GBF1: variants seen among roughly 807,000 people sequenced by gnomAD.
GBF1 encodes golgi brefeldin A resistant guanine nucleotide exchange factor 1.
In GBF1, 114 loss-of-function variants were observed where a neutral mutation model predicts 210.5. The observed-to-expected ratio is 0.54, with a 90% confidence interval of 0.47 to 0.63. The LOEUF is 0.63. Among genes scored for constraint, GBF1 ranks in the 30% least tolerant of loss-of-function variants. GBF1 has a pLI of 0.00. For synonymous variants in GBF1, 850 were observed against 889.2 expected, an observed-to-expected ratio of 0.96 and a Z score of 0.78; for missense variants, 1,851 against 2,357.7, an observed-to-expected ratio of 0.79 and a Z score of 4.45.
At chr10:102,247,752 A>G (rs911785904) in intron 1 of GBF1, among the ~76,000 whole-genome samples, 3 of 152,142 alleles carry the variant, frequency 2.0e-5, no homozygotes, top group African/African-American at 7.2e-5. Context: ...TTCAAATACA[A>G]GTCCCAAGCT....
intron 3 of GBF1, among the ~76,000 whole-genome samples, chr10:102,319,990 G>T (rs1375374006): frequency 6.6e-6 from 1 of 151,948 alleles, no homozygotes; most frequent in African/African-American, 2.4e-5. Context: ...CTTCCAAAGT[G>T]CTGGGATTAC....
At chr10:102,231,894 A>G in the GBF1 span, 1 of 1,562,910 alleles carries the variant, frequency 6.4e-7, no homozygotes, top group Non-Finnish European at 8.8e-7. Flanking sequence ...GGGGCTGCCC[A>G]GCCGGGGTCC....
chr10:102,326,345 C>A (rs991084810), intron 3 of GBF1, among the ~76,000 whole-genome samples: 1 of 152,196 alleles, frequency 6.6e-6, no homozygotes, highest in Non-Finnish European at 1.5e-5. Flanking sequence ...CTGAAAACCT[C>A]ATTTTTCTAC....
intron 3 of GBF1, among the ~76,000 whole-genome samples, chr10:102,314,523 C>G (rs946823549): frequency 1.3e-5 from 2 of 152,122 alleles, no homozygotes; most frequent in Admixed American, 1.3e-4. Context: ...TCAAATGGAG[C>G]TTTCTCTACA....
In GBF1 at chr10:102,282,093, A is replaced by AT. The variant is rs58472334; in HGVS notation, c.163+21991dup. Among the ~76,000 whole-genome samples the AT allele has an allele frequency of 2.6e-3, 378 of 143,634 alleles. 5 individuals are homozygous for AT. The highest frequency in any genetic ancestry group is 6.1e-3 in the African/African-American group (237 of 38,838). The allele number at this position is 143,634 out of a possible 152,430, so 94.2% of individuals were successfully genotyped here. ...AGGCGCCCACCACCACACCCGGCTA[A>AT]TTTTTTTTTTTTTTGTATTTTTTAG... is the stretch of plus-strand genomic sequence containing the variant. On this transcript the variant is annotated intron_variant, in intron 3 of 39. Coordinates refer to ENST00000369983, the MANE Select transcript of GBF1 (RefSeq NM_001377137.1).
intron 3 of GBF1, among the ~76,000 whole-genome samples, chr10:102,283,032 G>A (rs753934263): frequency 6.6e-6 from 1 of 152,182 alleles, no homozygotes; most frequent in African/African-American, 2.4e-5. Context: ...TCACAAGGAG[G>A]TGGAAACTAT....
intron 3 of GBF1, among the ~76,000 whole-genome samples, chr10:102,308,347 C>T (rs1045180279): frequency 6.6e-6 from 1 of 152,024 alleles, no homozygotes; most frequent in Non-Finnish European, 1.5e-5. Flanking sequence ...ATGACTTTCT[C>T]CAGCATAATA....
At chr10:102,270,100 G>C (rs1252421465) in intron 3 of GBF1, among the ~76,000 whole-genome samples, 3 of 151,850 alleles carry the variant, frequency 2.0e-5, no homozygotes, top group Non-Finnish European at 4.4e-5. Flanking sequence ...GGATGGTCTT[G>C]ATCTCCTGAC....
chr10:102,233,787 G>A, the GBF1 span, among the ~76,000 whole-genome samples: 1 of 152,180 alleles, frequency 6.6e-6, no homozygotes. Flanking sequence ...CAGGCCATAG[G>A]CAGGAGCTTC....
chr10:102,295,412 T>C (rs1565073887), intron 3 of GBF1, among the ~76,000 whole-genome samples: 1 of 152,242 alleles, frequency 6.6e-6, no homozygotes, highest in Non-Finnish European at 1.5e-5. Flanking sequence ...ACAAACTATC[T>C]TTAAAAGTTT....
intron 13 of GBF1, 65 bp from the exon 14 acceptor site, chr10:102,361,653 A>C (rs984216974): frequency 8.8e-7 from 1 of 1,139,156 alleles, no homozygotes; most frequent in African/African-American, 1.6e-5. Context: ...TTTCCTGTCT[A>C]ATTTTTTCTC....
intron 3 of GBF1, among the ~76,000 whole-genome samples, chr10:102,297,894 C>A (rs1222911444): frequency 6.6e-6 from 1 of 151,960 alleles, no homozygotes; most frequent in African/African-American, 2.4e-5. Context: ...ATGCAGGTAC[C>A]TGGAATGAAA....
At chr10:102,326,721 C>T (rs951819844) in intron 3 of GBF1, among the ~76,000 whole-genome samples, 6 of 152,162 alleles carry the variant, frequency 3.9e-5, no homozygotes, top group Non-Finnish European at 7.3e-5. Context: ...TTTTCTATCA[C>T]TATGGATAAG....
At position 102,366,352 on chromosome 10, in the gene GBF1, T is replaced by G; in HGVS notation, c.2310-31T>G. 1 of 1,613,100 alleles carries G rather than the reference T, an allele frequency of 6.2e-7. No individual in the cohort carries two copies. The highest frequency in any genetic ancestry group is 1.1e-5 in the South Asian group (1 of 91,056). Reference sequence around the variant, plus strand: ...GCCTGACATGTGCAGCTTACACATTTTCAGCCTCTTCTTCCTTTCTTTCCC... The same window carrying G: ...GCCTGACATGTGCAGCTTACACATTGTCAGCCTCTTCTTCCTTTCTTTCCC... On this transcript the variant is annotated intron_variant, in intron 18 of 39. Transcript: ENST00000369983. This position sits in a 1 kb window ranked among gnomAD's most constrained non-coding sequence, Gnocchi z 4.0.
chr10:102,318,676 C>T (rs1038092165), intron 3 of GBF1, among the ~76,000 whole-genome samples: 3 of 151,984 alleles, frequency 2.0e-5, no homozygotes, highest in Admixed American at 2.0e-4. Flanking sequence ...GTCCAACTTC[C>T]CCCCCTTCAA....
At chr10:102,270,387 C>G (rs2074287572) in intron 3 of GBF1, among the ~76,000 whole-genome samples, 2 of 151,282 alleles carry the variant, frequency 1.3e-5, no homozygotes, top group East Asian at 3.9e-4. Context: ...CCAGGTTGGT[C>G]TCGAACTCCC....
chr10:102,364,242 T>TTC, intron 17 of GBF1, among the ~76,000 whole-genome samples: 1 of 144,424 alleles, frequency 6.9e-6, no homozygotes, highest in East Asian at 2.1e-4. Flanking sequence ...TTTTTTTTTT[T>TTC]CAGACGGAGT....
intron 1 of GBF1, among the ~76,000 whole-genome samples, chr10:102,246,450 C>T (rs2133845652): frequency 6.6e-6 from 1 of 152,282 alleles, no homozygotes; most frequent in South Asian, 2.1e-4. Flanking sequence ...CACAGGCATT[C>T]TTTTGTAGTG....
chr10:102,364,013 G>A (rs941988841), intron 17 of GBF1, among the ~76,000 whole-genome samples: 2 of 151,956 alleles, frequency 1.3e-5, no homozygotes, highest in Non-Finnish European at 2.9e-5. Flanking sequence ...ATGCCCCTGC[G>A]CAAATGCTGT....
Sources: gnomAD v4.1 joint callset for allele counts (sites outside exome capture counted in the v4.1 genomes callset) on GRCh38, gnomAD v4.1.1 for gene constraint, Gnocchi (gnomAD v3.1) non-coding constraint, MANE v1.5 for transcripts, NCBI Gene and HGNC (gene_info 2026-07-23, HGNC 2026-07-21) for gene names.